Variants in ARSK observed in about 807,000 individuals in gnomAD.
ARSK encodes arylsulfatase family member K.
Under a neutral mutation model 53.2 loss-of-function variants are expected in ARSK, and 37 were observed. The ratio of observed to expected loss-of-function variants is 0.70; its 90% CI spans 0.54 to 0.92. The LOEUF (loss-of-function observed/expected upper bound fraction) is 0.92. Among genes scored for constraint, ARSK ranks in the 40% least tolerant of loss-of-function variants. The pLI is 0.00. For missense variants in ARSK, 613 were observed against 643.0 expected (o/e 0.95, Z 0.51); for synonymous variants, 208 against 223.2 (o/e 0.93, Z 0.61).
Position 95,591,481 on chromosome 5 carries a change from G to A in ARSK, c.952G>A (p.Ala318Thr), listed in dbSNP as rs1263358970. ...ATACTCCTCAGACCATGGAGAGCTG[G>A]CCATGGAACATCGACAGTTTTATAA... is the stretch of plus-strand genomic sequence containing the variant. Reference protein sequence around the residue: ...VIYSSDHGELAMEHRQFYKMS... With the variant: ...VIYSSDHGELTMEHRQFYKMS... The change falls in exon 6 of 8, where the codon GCC (alanine) becomes ACC (threonine). Residue 318 changes from alanine (A) to threonine (T), a missense_variant. Physicochemically the swap from Ala to Thr is moderately conservative, Grantham distance 58. Transcript: ENST00000380009. 3 of 1,613,874 alleles carry A rather than the reference G, an allele frequency of 1.9e-6. No individual in the cohort carries two copies. Among genetic ancestry groups the A allele is most frequent in the Non-Finnish European group, 2.5e-6 (3 of 1,179,892 alleles).
intron 6 of ARSK, among the ~76,000 whole-genome samples, chr5:95,598,995 T>G (rs1003909762): frequency 7.9e-5 from 12 of 152,162 alleles, no homozygotes; most frequent in Non-Finnish European, 1.8e-4. Context: ...ATGCCTGCCA[T>G]CACTCTCTAT....
intron 1 of ARSK, among the ~76,000 whole-genome samples, chr5:95,559,287 T>C (rs1202854876): frequency 6.6e-6 from 1 of 152,192 alleles, no homozygotes; most frequent in Non-Finnish European, 1.5e-5. Flanking sequence ...ATTCACAGGT[T>C]CTGAATCCGC....
intron 1 of ARSK, among the ~76,000 whole-genome samples, chr5:95,557,458 AT>A (rs1580211827): frequency 6.6e-6 from 1 of 152,184 alleles, no homozygotes; most frequent in East Asian, 1.9e-4. Flanking sequence ...GCAATTACTT[AT>A]TTGCTTTATC....
At chr5:95,588,074 C>T (rs1222007916) in intron 5 of ARSK, among the ~76,000 whole-genome samples, 1 of 152,018 alleles carries the variant, frequency 6.6e-6, no homozygotes, top group Non-Finnish European at 1.5e-5. Flanking sequence ...CTAGAAATTG[C>T]ATTTGAAAGT....
At chr5:95,557,785 C>T (rs772026713) in intron 1 of ARSK, among the ~76,000 whole-genome samples, 7 of 152,156 alleles carry the variant, frequency 4.6e-5, no homozygotes, top group Admixed American at 1.3e-4. Flanking sequence ...AGGATAACAA[C>T]GCAAGAGCTT....
In ARSK at chr5:95,600,920, G is replaced by A. The variant is rs751029839; in HGVS notation, c.1170G>A (p.Lys390=). The A allele has an allele frequency of 4.0e-5, 64 of 1,613,942 alleles. No individual in the cohort carries two copies. The South Asian group carries it at 6.1e-4, about 16-fold the overall frequency. ...TGCCGTTATCATCAGAAACATTTAA[G>A]AATGAACATAAAGTCAAAAACCTGC... is the stretch of plus-strand genomic sequence containing the variant. ...SLLPLSSETF[K]NEHKVKNLHP... Residue 390 remains lysine, a synonymous_variant, in exon 7 of 8, where the codon AAG becomes AAA. Coordinates refer to ENST00000380009, the MANE Select transcript of ARSK (RefSeq NM_198150.3).
At chr5:95,578,118 T>C (rs1748956709) in intron 3 of ARSK, among the ~76,000 whole-genome samples, 1 of 152,130 alleles carries the variant, frequency 6.6e-6, no homozygotes, top group African/African-American at 2.4e-5. Context: ...GTAAATCCTT[T>C]TAAAAATTGT....
intron 1 of ARSK, among the ~76,000 whole-genome samples, chr5:95,563,469 C>G (rs1481247699): frequency 6.6e-6 from 1 of 152,214 alleles, no homozygotes; most frequent in Non-Finnish European, 1.5e-5. Context: ...GATCACCTTT[C>G]ACTGATGGAA....
At chr5:95,559,547 G>A (rs1748590396) in intron 1 of ARSK, among the ~76,000 whole-genome samples, 1 of 152,188 alleles carries the variant, frequency 6.6e-6, no homozygotes. Flanking sequence ...TCCCCAAAAT[G>A]TACAGTGAGT....
chr5:95,603,469 G>C lies in ARSK; in HGVS notation c.1554G>C (p.Lys518Asn). Residue 518 changes from lysine to asparagine, a missense_variant, in exon 8 of 8, where the codon AAG (lysine) becomes AAC (asparagine). By Grantham distance (94) the Lys-to-Asn change is moderately conservative. Coordinates refer to ENST00000380009, the MANE Select transcript of ARSK (RefSeq NM_198150.3). ...WHQDWQKEPR[K>N]YENAIDQWLK... ...AAGACTGGCAGAAGGAACCAAGGAA[G>C]TATGAAAATGCAATTGATCAGTGGC... 1 of 1,612,812 alleles carries C rather than the reference G, an allele frequency of 6.2e-7. No individual in the cohort carries two copies. Among genetic ancestry groups the C allele is most frequent in the Non-Finnish European group, 8.5e-7 (1 of 1,179,644 alleles).
rs1242901261 is a variant in ARSK at position 95,591,410 on chromosome 5, T to C, written c.881T>C (p.Ile294Thr). 1.2e-6 allele frequency: 2 copies of C among 1,609,022 alleles called. No individual in the cohort carries two copies. The highest frequency in any genetic ancestry group is 2.7e-5 in the African/African-American group (2 of 74,806). ...ATGATTTCTATTGTAGGTGAAATTA[T>C]TTTGGCCCTTCATCAATTAGATCTT... ...AETDAMLGEIILALHQLDLLQ... is the reference protein window; with the variant it reads ...AETDAMLGEITLALHQLDLLQ... The change falls in exon 6 of 8, where the codon ATT (isoleucine) becomes ACT (threonine). Residue 294 changes from isoleucine to threonine, a missense_variant. By Grantham distance (89) the Ile-to-Thr change is moderately conservative. Coordinates refer to ENST00000380009, the MANE Select transcript of ARSK (RefSeq NM_198150.3).
At chr5:95,566,627 G>A (rs565550757) in intron 2 of ARSK, among the ~76,000 whole-genome samples, 1 of 152,136 alleles carries the variant, frequency 6.6e-6, no homozygotes, top group East Asian at 1.9e-4. Flanking sequence ...AAGTCAAATT[G>A]TTCACTTTTA....
intron 6 of ARSK, 47 bp from the exon 7 acceptor site, chr5:95,600,800 T>A: frequency 6.6e-7 from 1 of 1,509,360 alleles, no homozygotes; most frequent in South Asian, 1.1e-5. Flanking sequence ...GTTCAGCTAA[T>A]AAAAGAATGA....
intron 3 of ARSK, among the ~76,000 whole-genome samples, chr5:95,577,127 T>G (rs544140972): frequency 1.3e-5 from 2 of 152,326 alleles, no homozygotes; most frequent in South Asian, 4.1e-4. Flanking sequence ...CTTAGTAAAT[T>G]CTATTAACAA....
intron 1 of ARSK, among the ~76,000 whole-genome samples, chr5:95,560,305 C>CT (rs889198350): frequency 7.0e-4 from 102 of 146,182 alleles, no homozygotes; most frequent in Middle Eastern, 3.5e-3. Flanking sequence ...TCCCTAGAAC[C>CT]TTTTTTTTTT....
At position 95,555,121 on chromosome 5, in the gene ARSK, AGGAGTTGTAGTTCTGCG is replaced by A; in HGVS notation, c.-155_-139del. 1 of 556,126 alleles carries A rather than the reference AGGAGTTGTAGTTCTGCG, an allele frequency of 1.8e-6. No individual in the cohort carries two copies. Among genetic ancestry groups the A allele is most frequent in the Non-Finnish European group, 3.1e-6 (1 of 322,112 alleles). 34.4% of individuals were successfully genotyped at this position (556,126 alleles called of 1,614,324 possible). ...CGCATGTGCGCGCTCTCCGCCTGAT[AGGAGTTGTAGTTCTGCG>A]GGTGAAGCTCGGCGTTACTATCAAG... On this transcript the variant is annotated 5_prime_UTR_variant, in exon 1 of 8. Transcript: ENST00000380009. The surrounding 1 kb of genome is among the most constrained non-coding windows in gnomAD (Gnocchi z 4.0).
In ARSK at chr5:95,568,034, G is replaced by T. The variant is rs1265297898; in HGVS notation, c.401G>T (p.Gly134Val). The T allele has an allele frequency of 2.5e-6, 4 of 1,613,336 alleles. No individual in the cohort carries two copies. The African/African-American group carries it at 5.3e-5, about 22-fold the overall frequency. Residue 134 changes from glycine to valine, a missense_variant, in exon 3 of 8, where the codon GGA becomes GTA. Physicochemically the swap from Gly to Val is moderately radical, Grantham distance 109. Coordinates refer to ENST00000380009, the MANE Select transcript of ARSK (RefSeq NM_198150.3). Reference sequence around the variant, plus strand: ...TTTGGGAAACTGGACTATACTTCAGGACATCACTCCATTAGGTAAAAATAA... The same window carrying T: ...TTTGGGAAACTGGACTATACTTCAGTACATCACTCCATTAGGTAAAAATAA... The part of the protein sequence containing the change: ...QKFGKLDYTS[G>V]HHSISNRVEA...
intron 3 of ARSK, among the ~76,000 whole-genome samples, chr5:95,576,440 G>A (rs1033138343): frequency 5.3e-5 from 8 of 151,418 alleles, no homozygotes; most frequent in Non-Finnish European, 8.9e-5. Context: ...CTCGTGATCC[G>A]CCCGCCTCGG....
intron 7 of ARSK, 104 bp downstream of exon 7, chr5:95,601,175 C>T (rs1749397212): frequency 2.7e-6 from 3 of 1,099,400 alleles, no homozygotes; most frequent in Non-Finnish European, 2.6e-6. Context: ...AAATGAATAT[C>T]TGCTGCTTCT....
Sources: allele counts gnomAD v4.1 joint callset (sites outside exome capture counted in the v4.1 genomes callset), GRCh38; gene constraint gnomAD v4.1.1; non-coding constraint Gnocchi (gnomAD v3.1); transcripts MANE v1.5; gene names NCBI Gene and HGNC (gene_info 2026-07-23, HGNC 2026-07-21).